The following OTOF variants were observed in gnomAD, a reference collection of about 807,000 sequenced individuals.
OTOF encodes the protein otoferlin.
A neutral mutation model predicts 236.8 loss-of-function variants in OTOF; 218 were observed. That is an observed-to-expected ratio of 0.92 (90% confidence interval 0.82 to 1.03). OTOF has a LOEUF of 1.03. OTOF is among the 50% of genes least tolerant of loss of function. The pLI, the probability that OTOF is intolerant of heterozygous loss-of-function variation, is 0.00. For missense variants in OTOF, 2,590 were observed against 2,694.4 expected, an observed-to-expected ratio of 0.96 and a Z score of 0.86; for synonymous variants, 1,041 against 1,072.5, an observed-to-expected ratio of 0.97 and a Z score of 0.57.
chr2:26,554,815 G>C (rs1316448385), intron 1 of OTOF, among the ~76,000 whole-genome samples: 1 of 152,124 alleles, frequency 6.6e-6, no homozygotes, highest in African/African-American at 2.4e-5. Flanking sequence ...AAGGTGGAGG[G>C]GGATGCCCTG....
At chr2:26,507,401 A>G (rs1171495727) in intron 5 of OTOF, among the ~76,000 whole-genome samples, 2 of 152,242 alleles carry the variant, frequency 1.3e-5, no homozygotes, top group African/African-American at 4.8e-5. Flanking sequence ...AGAAAGCAGT[A>G]TGCCTACTTC....
At chr2:26,545,061 GA>G (rs1273455165) in intron 1 of OTOF, among the ~76,000 whole-genome samples, 1 of 149,754 alleles carries the variant, frequency 6.7e-6, no homozygotes, top group Non-Finnish European at 1.5e-5. Context: ...AAAAAGAAAA[GA>G]AAAGAAAGAA....
chr2:26,505,926 C>T (rs770573287), intron 5 of OTOF, among the ~76,000 whole-genome samples: 10 of 152,226 alleles, frequency 6.6e-5, no homozygotes, highest in Non-Finnish European at 1.5e-4. Context: ...AGAACCTGAG[C>T]ACCCAAACAT....
intron 1 of OTOF, among the ~76,000 whole-genome samples, chr2:26,543,643 G>A (rs1667259325): frequency 1.3e-5 from 2 of 152,186 alleles, no homozygotes; most frequent in Admixed American, 1.3e-4. Flanking sequence ...AGCATTTGGT[G>A]CAGTTTATCC....
At chr2:26,510,773 A>G in intron 5 of OTOF, 1 of 1,284,870 alleles carries the variant, frequency 7.8e-7, no homozygotes, top group Non-Finnish European at 1.0e-6. Context: ...AGAAATGAGG[A>G]GACAAGGGGA....
intron 9 of OTOF, among the ~76,000 whole-genome samples, chr2:26,494,186 G>A (rs1665918213): frequency 6.6e-6 from 1 of 152,242 alleles, no homozygotes; most frequent in Non-Finnish European, 1.5e-5. Flanking sequence ...TCCATATGGA[G>A]GCCTCAGTAT....
At chr2:26,468,992 G>A (rs1268231469) in intron 32 of OTOF, among the ~76,000 whole-genome samples, 1 of 151,934 alleles carries the variant, frequency 6.6e-6, no homozygotes, top group Admixed American at 6.6e-5. Flanking sequence ...CATGGCACAT[G>A]CATACATATG....
At position 26,476,158 on chromosome 2, in the gene OTOF, C is replaced by A. The variant is rs1404452180; in HGVS notation, c.2836G>T (p.Ala946Ser). 1.6e-5 allele frequency: 26 copies of A among 1,611,006 alleles called. No homozygotes were observed. Among genetic ancestry groups the A allele is most frequent in the Non-Finnish European group, 2.2e-5 (26 of 1,179,508 alleles). Residue 946 changes from alanine to serine, a missense_variant, in exon 23 of 47, where the codon GCC becomes TCC. Ala to Ser is a moderately conservative substitution (Grantham distance 99). Coordinates refer to ENST00000272371, the MANE Select transcript of OTOF (RefSeq NM_194248.3). Reference protein sequence around the residue: ...VKAAQGLGLHAFPPVSLVYTK... With the variant: ...VKAAQGLGLHSFPPVSLVYTK... ...TAGACCAGGCTGACGGGTGGGAAGG[C>A]ATGCAGGCCCAGGCCCTGGGCTGCC...
intron 5 of OTOF, among the ~76,000 whole-genome samples, chr2:26,514,076 A>G (rs1444664168): frequency 6.6e-6 from 1 of 152,250 alleles, no homozygotes. Flanking sequence ...GCCCATCTCT[A>G]GAATTTTTCT....
In OTOF at chr2:26,516,560, C is replaced by G. The variant is rs116314622; in HGVS notation, c.367G>C (p.Gly123Arg). The change falls in exon 5 of 47, where the codon GGC (glycine) becomes CGC (arginine). Residue 123 changes from glycine to arginine, a missense_variant. Coordinates refer to ENST00000272371, the MANE Select transcript of OTOF (RefSeq NM_194248.3). ...CVEVRYQATD[G>R]TVGSWDDGDF... ...CCATCGTCCCAGGAGCCCACTGTGC[C>G]GTCAGTGGCCTGATACCGGACCTCC... The G allele has an allele frequency of 3.7e-6, 6 of 1,610,444 alleles. No homozygotes were observed. Among genetic ancestry groups the G allele is most frequent in the Non-Finnish European group, 5.1e-6 (6 of 1,179,978 alleles).
Position 26,470,001 on chromosome 2 carries a change from G to A in OTOF, c.4023+592C>T, listed in dbSNP as rs1664903379. On this transcript the variant is annotated intron_variant, in intron 32 of 46. Transcript: ENST00000272371. This position sits in a 1 kb window ranked among gnomAD's most constrained non-coding sequence, Gnocchi z 4.3. Reference sequence around the variant, plus strand: ...ATGCGCTTTCTGGAACTTGCAATCTGGCCAAACAGATGGAACCCACATATG... The same window carrying A: ...ATGCGCTTTCTGGAACTTGCAATCTAGCCAAACAGATGGAACCCACATATG... Among the ~76,000 whole-genome samples the A allele has an allele frequency of 6.6e-6, 1 of 152,146 alleles. No individual in the cohort carries two copies. Among genetic ancestry groups the A allele is most frequent in the African/African-American group, 2.4e-5 (1 of 41,424 alleles).
At chr2:26,506,816 A>G (rs1006494156) in intron 5 of OTOF, among the ~76,000 whole-genome samples, 2 of 152,200 alleles carry the variant, frequency 1.3e-5, no homozygotes, top group Non-Finnish European at 2.9e-5. Flanking sequence ...CCTGGTCAAC[A>G]TGGTGAAACC....
intron 2 of OTOF, among the ~76,000 whole-genome samples, chr2:26,532,253 C>CG (rs1179342369): frequency 6.6e-6 from 1 of 152,032 alleles, no homozygotes; most frequent in Non-Finnish European, 1.5e-5. Context: ...AGTGGAGAGG[C>CG]GAGAGTTGCC....
At chr2:26,471,278 C>T (rs1471060540) in intron 30 of OTOF, 128 bp from the exon 31 acceptor site, 4 of 1,019,808 alleles carry the variant, frequency 3.9e-6, no homozygotes, top group Admixed American at 3.6e-5. Context: ...CCCCTGTGCC[C>T]GCAAGGCCAA....
At chr2:26,497,975 C>A (rs748966562) in intron 8 of OTOF, among the ~76,000 whole-genome samples, 3 of 152,140 alleles carry the variant, frequency 2.0e-5, no homozygotes, top group Non-Finnish European at 4.4e-5. Flanking sequence ...CAACTAATGC[C>A]CCCACCAACA....
At chr2:26,530,664 G>A (rs943854229) in intron 2 of OTOF, among the ~76,000 whole-genome samples, 7 of 151,848 alleles carry the variant, frequency 4.6e-5, no homozygotes, top group South Asian at 4.2e-4. Flanking sequence ...CGCATCATTC[G>A]TCTGCTTTCT....
chr2:26,479,984 G>A (rs1016571870), intron 16 of OTOF, among the ~76,000 whole-genome samples: 3 of 152,258 alleles, frequency 2.0e-5, no homozygotes, highest in Non-Finnish European at 4.4e-5. Flanking sequence ...GTGGAGCTGA[G>A]GGTTGGCCCC....
At chr2:26,502,497 T>C in intron 6 of OTOF, 71 bp from the exon 7 acceptor site, 2 of 1,499,364 alleles carry the variant, frequency 1.3e-6, no homozygotes, top group Non-Finnish European at 1.8e-6. Context: ...CCTTTTACTC[T>C]GGCATCCAGA....
intron 34 of OTOF, 56 bp from the exon 35 acceptor site, chr2:26,467,289 C>A: frequency 1.2e-6 from 2 of 1,613,826 alleles, no homozygotes. Context: ...TTTTGTCCTG[C>A]CCCACCTGCA....
Sources: gnomAD v4.1 joint callset for allele counts (sites outside exome capture counted in the v4.1 genomes callset) on GRCh38, gnomAD v4.1.1 for gene constraint, Gnocchi (gnomAD v3.1) non-coding constraint, MANE v1.5 for transcripts, NCBI Gene and HGNC (gene_info 2026-07-23, HGNC 2026-07-21) for gene names.